The following LLGL1 variants were observed in gnomAD, a reference collection of about 807,000 sequenced individuals.
LLGL1 encodes lethal(2) giant larvae protein homolog 1.
LLGL1 carries 58 observed loss-of-function variants against 110.6 expected under a neutral mutation model. That is an observed-to-expected ratio of 0.52 (90% CI 0.42 to 0.65). The LOEUF is 0.65. Ranked by LOEUF, LLGL1 falls within the 30% of genes least tolerant of loss-of-function variation. LLGL1 has a pLI of 0.00. For synonymous variants in LLGL1, 674 were observed against 607.2 expected (o/e 1.11, Z -1.62); for missense variants, 1,229 against 1,462.1 (o/e 0.84, Z 2.60).
At position 18,234,535 on chromosome 17, in the gene LLGL1, TC is replaced by T. The variant is rs1292387407; in HGVS notation, c.851-111del. 13 of 1,575,920 alleles carry T rather than the reference TC, an allele frequency of 8.2e-6. No homozygotes were observed. The African/African-American group carries it at 1.6e-4, about 20-fold the overall frequency. On this transcript the variant is annotated intron_variant, in intron 7 of 22. Coordinates refer to ENST00000316843, the MANE Select transcript of LLGL1 (RefSeq NM_004140.4). ...GGGGGCAGTGTGTCTCCCGCCGACT[TC>T]CCGGGGAGGCAGGAGGCAGCTGTAA...
chr17:18,242,253 T>C lies in LLGL1; in HGVS notation c.2970T>C (p.Pro990=), dbSNP rs143700910. The C allele has an allele frequency of 1.1e-5, 18 of 1,613,860 alleles. No homozygotes were observed. In the African/African-American group the frequency reaches 2.0e-4, roughly 18 times the overall value. The change falls in exon 20 of 23, where the codon CCT becomes CCC. Residue 990 remains proline (P), a synonymous_variant. Coordinates refer to ENST00000316843, the MANE Select transcript of LLGL1 (RefSeq NM_004140.4). ...LLAPQSLDGS[P]DPAHSMGPDT... ...CCCCACAGAGCCTTGATGGAAGCCC[T>C]GATCCAGCCCACAGCATGGGACCTG...
At chr17:18,241,746 C>T (rs1411116765) in intron 18 of LLGL1, 31 bp downstream of exon 18, 13 of 1,609,316 alleles carry the variant, frequency 8.1e-6, no homozygotes, top group Non-Finnish European at 1.0e-5. Context: ...AGGAGGCCTT[C>T]CTCAGGCGAG....
chr17:18,237,420 G>C, intron 13 of LLGL1, 61 bp from the exon 14 acceptor site: 1 of 1,455,124 alleles, frequency 6.9e-7, no homozygotes, highest in Non-Finnish European at 9.1e-7. Flanking sequence ...TCCAGGCTGA[G>C]TGGGGCCCAG....
At chr17:18,241,350 G>A in intron 17 of LLGL1, 101 bp from the exon 18 acceptor site, 1 of 1,458,498 alleles carries the variant, frequency 6.9e-7, no homozygotes, top group Non-Finnish European at 9.2e-7. Flanking sequence ...CATGCAGCTG[G>A]GCTTTGTGGT....
At chr17:18,232,862 G>A in intron 4 of LLGL1, 60 bp downstream of exon 4, 3 of 1,605,504 alleles carry the variant, frequency 1.9e-6, no homozygotes, top group Non-Finnish European at 2.6e-6. Flanking sequence ...GGAGGCTGTG[G>A]GAACCTGCTG....
chr17:18,229,585 T>C (rs2047524121), intron 1 of LLGL1, among the ~76,000 whole-genome samples: 1 of 152,172 alleles, frequency 6.6e-6, no homozygotes, highest in African/African-American at 2.4e-5. Flanking sequence ...CATCAGTGCC[T>C]GCACCTCTGT....
intron 7 of LLGL1, 78 bp downstream of exon 7, chr17:18,234,486 G>C (rs1041986003): frequency 6.3e-7 from 1 of 1,589,896 alleles, no homozygotes; most frequent in African/African-American, 1.3e-5. Context: ...TGGCTGAGGA[G>C]GGACTTCCCC....
intron 19 of LLGL1, 54 bp downstream of exon 19, chr17:18,242,053 C>A: frequency 6.4e-7 from 1 of 1,557,828 alleles, no homozygotes; most frequent in Non-Finnish European, 8.9e-7. Context: ...GGCCAGGTCT[C>A]ATCCCACCCC....
In LLGL1 at chr17:18,242,196, C is replaced by G. The variant is rs781100746; in HGVS notation, c.2913C>G (p.Ser971Arg). ...SYRIRESPKL[S>R]QANGTPSILL... The stretch of plus-strand genomic sequence containing the variant: ...GGATCCGAGAGTCACCCAAGCTGAG[C>G]CAGGCTAACGGGACCCCAAGCATCC... The change falls in exon 20 of 23, where the codon AGC (serine) becomes AGG (arginine). Residue 971 changes from serine (S) to arginine (R), a missense_variant. Physicochemically the swap from Ser to Arg is moderately radical, Grantham distance 110. Coordinates refer to ENST00000316843, the MANE Select transcript of LLGL1 (RefSeq NM_004140.4). The G allele has an allele frequency of 2.5e-6, 4 of 1,614,026 alleles. 1 individual carries two copies. In the South Asian group the frequency reaches 4.4e-5, roughly 18 times the overall value.
chr17:18,227,135 C>T (rs1455582290), intron 1 of LLGL1, among the ~76,000 whole-genome samples: 1 of 152,152 alleles, frequency 6.6e-6, no homozygotes, highest in Non-Finnish European at 1.5e-5. Flanking sequence ...TCTGGGACGG[C>T]TGGACCTGGA....
At chr17:18,226,022 C>A (rs565150318) in intron 1 of LLGL1, among the ~76,000 whole-genome samples, 270 of 152,202 alleles carry the variant, frequency 1.8e-3, no homozygotes, top group Non-Finnish European at 3.5e-3. Context: ...CTGGCTCTGC[C>A]AGTCTGTGTG....
At chr17:18,226,526 G>A (rs2047448143) in intron 1 of LLGL1, among the ~76,000 whole-genome samples, 1 of 152,234 alleles carries the variant, frequency 6.6e-6, no homozygotes, top group South Asian at 2.1e-4. Flanking sequence ...CCCTGCCCGG[G>A]GCTCCGAGTC....
At chr17:18,226,485 A>G (rs888670910) in intron 1 of LLGL1, among the ~76,000 whole-genome samples, 1 of 151,978 alleles carries the variant, frequency 6.6e-6, no homozygotes, top group South Asian at 2.1e-4. Flanking sequence ...TCCTTCCCCC[A>G]CTGCTCCAGG....
rs930330038 is a variant in LLGL1 at position 18,242,018 on chromosome 17, C to T, written c.2882+19C>T. 6.2e-7 allele frequency: 1 copy of T among 1,601,000 alleles called. No individual in the cohort carries two copies. ...AGGCCAGGTGTGTGGAGGGGCAGCT[C>T]CTAGCCTGGGGGACCTGTGCCCAGG... On this transcript the variant is annotated intron_variant, in intron 19 of 22. Transcript: ENST00000316843.
chr17:18,236,255 G>C (rs2047692204), intron 11 of LLGL1: 1 of 246,916 alleles, frequency 4.0e-6, no homozygotes, highest in Non-Finnish European at 7.8e-6. Flanking sequence ...TTCTGTGACT[G>C]CCTTACTCTT....
At chr17:18,243,863 GCCCT>G (rs1439317138) in intron 22 of LLGL1, 41 bp from the exon 23 acceptor site, 1 of 152,468 alleles carries the variant, frequency 6.6e-6, no homozygotes, top group Non-Finnish European at 1.5e-5. Flanking sequence ...CTGCCCTTTT[GCCCT>G]CCCTCACCTT....
intron 13 of LLGL1, 38 bp from the exon 14 acceptor site, chr17:18,237,443 C>A: frequency 6.6e-7 from 1 of 1,522,084 alleles, no homozygotes; most frequent in South Asian, 1.3e-5. Flanking sequence ...CGGCCCCTCC[C>A]CTGCGCTGAT....
At chr17:18,227,277 T>C (rs1229847447) in intron 1 of LLGL1, among the ~76,000 whole-genome samples, 2 of 152,156 alleles carry the variant, frequency 1.3e-5, no homozygotes, top group African/African-American at 2.4e-5. Flanking sequence ...GAAGGGAAGC[T>C]GGTGCTCCGT....
At position 18,234,013 on chromosome 17, in the gene LLGL1, C is replaced by T. The variant is rs1390739576; in HGVS notation, c.552C>T (p.Ser184=). The T allele has an allele frequency of 7.5e-6, 12 of 1,592,250 alleles. No individual in the cohort carries two copies. The highest frequency in any genetic ancestry group is 2.7e-5 in the African/African-American group (2 of 74,630). ...QTLAPGEVLR[S]VPDDYRCGKA... is the part of the protein sequence containing the mutation. ...CTGGCTCACCTGCCTTCCTCCACAG[C>T]GTGCCAGACGACTACCGCTGTGGGA... Residue 184 remains serine (S), a splice_region_variant and synonymous_variant, in exon 6 of 23, where the codon AGC becomes AGT. Transcript: ENST00000316843.
Sources: allele counts gnomAD v4.1 joint callset (sites outside exome capture counted in the v4.1 genomes callset), GRCh38; gene constraint gnomAD v4.1.1; transcripts MANE v1.5; gene names NCBI Gene and HGNC (gene_info 2026-07-23, HGNC 2026-07-21).